Variants in C8B observed in about 807,000 individuals in gnomAD.
C8B encodes complement component C8 beta chain.
C8B carries 67 observed loss-of-function variants against 64.6 expected under a neutral mutation model. That is an observed-to-expected ratio of 1.04 (90% CI 0.85 to 1.27). The LOEUF is 1.27. Among genes scored for constraint, C8B ranks in the 50% most tolerant of loss-of-function variants. C8B has a pLI of 0.00. For synonymous variants in C8B, 284 were observed against 257.7 expected (o/e 1.10, Z -0.98); for missense variants, 790 against 725.2 (o/e 1.09, Z -1.03).
At chr1:56,943,848 C>A (rs201169095) in intron 7 of C8B, 24 bp from the exon 8 acceptor site, 222 of 1,613,268 alleles carry the variant, frequency 1.4e-4, no homozygotes, top group Middle Eastern at 1.2e-3. Context: ...GGAAAAAGGT[C>A]CATGACGTAA....
chr1:56,957,111 A>G (rs765027143), intron 2 of C8B, among the ~76,000 whole-genome samples: 1 of 151,930 alleles, frequency 6.6e-6, no homozygotes, highest in Non-Finnish European at 1.5e-5. Context: ...TGTTTGCTGG[A>G]TGGTTTCTTC....
intron 5 of C8B, among the ~76,000 whole-genome samples, chr1:56,951,612 A>G (rs1253472488): frequency 6.6e-6 from 1 of 152,184 alleles, no homozygotes; most frequent in African/African-American, 2.4e-5. Flanking sequence ...TTTTCTGTGG[A>G]CTCACCATTA....
At chr1:56,965,150 T>G (rs1645234637) in intron 1 of C8B, among the ~76,000 whole-genome samples, 1 of 152,104 alleles carries the variant, frequency 6.6e-6, no homozygotes, top group African/African-American at 2.4e-5. Flanking sequence ...ACAGGAGTGT[T>G]TACATGGAGG....
intron 5 of C8B, among the ~76,000 whole-genome samples, chr1:56,951,727 C>T (rs1645023334): frequency 6.6e-6 from 1 of 152,166 alleles, no homozygotes; most frequent in Admixed American, 6.5e-5. Flanking sequence ...AACAGAGGCT[C>T]ATAGCCTTTG....
In C8B at chr1:56,954,692, G is replaced by A. The variant is rs1645076149; in HGVS notation, c.527C>T (p.Ala176Val). The stretch of plus-strand genomic sequence containing the variant: ...CAGAAAAATGGTCACTTACCCACTG[G>A]CCAGACTGCCAATTCCCCAGTATTG... Reference protein sequence around the residue: ...MDQYWGIGSLASGINLFTNSF... With the variant: ...MDQYWGIGSLVSGINLFTNSF... Residue 176 changes from alanine to valine, a missense_variant, in exon 4 of 12, where the codon GCC becomes GTC. Transcript: ENST00000371237. 1.9e-6 allele frequency: 3 copies of A among 1,614,082 alleles called. No homozygotes were observed. Among genetic ancestry groups the A allele is most frequent in the Non-Finnish European group, 1.7e-6 (2 of 1,180,000 alleles).
chr1:56,954,746 A>C lies in C8B; in HGVS notation c.473T>G (p.Ile158Ser), dbSNP rs1383748199. ...CATTTCATGCTGACATTTTTTATAA[A>C]TCCTTCTACAGTTTGCTTCATCTGA... ...DQSDEANCRRIYKKCQHEMDQ... is the reference protein window; with the variant it reads ...DQSDEANCRRSYKKCQHEMDQ... Residue 158 changes from isoleucine to serine, a missense_variant, in exon 4 of 12, where the codon ATT becomes AGT. By Grantham distance (142) the Ile-to-Ser change is moderately radical. Transcript: ENST00000371237. The C allele has an allele frequency of 6.2e-7, 1 of 1,614,012 alleles. No homozygotes were observed. Among genetic ancestry groups the C allele is most frequent in the African/African-American group, 1.3e-5 (1 of 74,916 alleles).
intron 5 of C8B, among the ~76,000 whole-genome samples, chr1:56,950,404 T>A (rs1371757230): frequency 6.6e-6 from 1 of 152,132 alleles, no homozygotes; most frequent in Non-Finnish European, 1.5e-5. Flanking sequence ...GGCAGGAAAG[T>A]GCCTTAGAGA....
At position 56,940,985 on chromosome 1, in the gene C8B, T is replaced by A. The variant is rs772033070; in HGVS notation, c.1262A>T (p.Glu421Val). 6.2e-7 allele frequency: 1 copy of A among 1,614,018 alleles called. No homozygotes were observed. The highest frequency in any genetic ancestry group is 2.2e-5 in the East Asian group (1 of 44,874). The change falls in exon 9 of 12, where the codon GAG (glutamate) becomes GTG (valine). Residue 421 changes from glutamate (E) to valine (V), a missense_variant. Transcript: ENST00000371237. ...KDRNKRDTMV[E>V]DLVVLVRGGA... ...TCCTCGTACCAGGACCACCAAGTCC[T>A]CCACCATGGTGTCCCTCTTGTTTCT...
At chr1:56,965,802 C>T in intron 1 of C8B, 55 bp downstream of exon 1, 1 of 1,591,346 alleles carries the variant, frequency 6.3e-7, no homozygotes, top group Non-Finnish European at 8.6e-7. Flanking sequence ...CATCATGTGG[C>T]TGCACCTTCC....
In C8B at chr1:56,931,750, CTCT is replaced by C. The variant is rs755713352; in HGVS notation, c.1621+57_1621+59del. 4.2e-6 allele frequency: 5 copies of C among 1,177,844 alleles called. No homozygotes were observed. In the Admixed American group the frequency reaches 5.2e-5, roughly 12 times the overall value. 73.0% of individuals were successfully genotyped at this position (1,177,844 alleles called of 1,614,324 possible). On this transcript the variant is annotated intron_variant, in intron 11 of 11. Coordinates refer to ENST00000371237, the MANE Select transcript of C8B (RefSeq NM_000066.4). ...CCCCACACTCCACACCAGCTCCTTG[CTCT>C]TCTTCTGGTGAATTATTCTCTGGAC...
intron 4 of C8B, among the ~76,000 whole-genome samples, chr1:56,953,201 C>T (rs781189223): frequency 4.6e-5 from 7 of 152,178 alleles, no homozygotes; most frequent in Non-Finnish European, 1.0e-4. Flanking sequence ...CCATCTCTAA[C>T]TACTGAAATT....
chr1:56,954,097 TGAG>T (rs1257759404), intron 4 of C8B, among the ~76,000 whole-genome samples: 1 of 152,120 alleles, frequency 6.6e-6, no homozygotes, highest in Non-Finnish European at 1.5e-5. Flanking sequence ...ACCTGCAGGC[TGAG>T]AAGATGCAAA....
chr1:56,936,112 A>G (rs575627886), intron 9 of C8B, among the ~76,000 whole-genome samples: 59 of 152,224 alleles, frequency 3.9e-4, no homozygotes, highest in Non-Finnish European at 7.9e-4. Flanking sequence ...AAACTAAGAC[A>G]TGCCTTTACA....
chr1:56,955,493 C>T (rs620092), intron 3 of C8B, among the ~76,000 whole-genome samples: 81,858 of 152,030 alleles, frequency 0.54, 22,300 homozygotes, highest in South Asian at 0.67. Context: ...ATTAGTATAT[C>T]GTTGGGAGAT....
chr1:56,943,571 G>A, intron 8 of C8B, 125 bp downstream of exon 8: 1 of 1,095,542 alleles, frequency 9.1e-7, no homozygotes, highest in Non-Finnish European at 1.4e-6. Flanking sequence ...AAAAACAGAA[G>A]GACATAGTTG....
At chr1:56,950,693 C>T (rs1645008095) in intron 5 of C8B, among the ~76,000 whole-genome samples, 3 of 152,188 alleles carry the variant, frequency 2.0e-5, no homozygotes. Context: ...AGTCGGATGA[C>T]TTTGGACAAT....
intron 7 of C8B, among the ~76,000 whole-genome samples, chr1:56,944,165 A>T (rs1339089708): frequency 6.6e-6 from 1 of 152,200 alleles, no homozygotes; most frequent in Non-Finnish European, 1.5e-5. Flanking sequence ...GACTGTTACA[A>T]TCTGCCTGCC....
Position 56,946,133 on chromosome 1 carries a change from C to T in C8B, c.865-72G>A, listed in dbSNP as rs1218360677. Reference sequence around the variant, plus strand: ...ATCTGGAACGAGAAGATGAACTTTACAAATACCATCCGATGTTCTTGGCCT... The same window carrying T: ...ATCTGGAACGAGAAGATGAACTTTATAAATACCATCCGATGTTCTTGGCCT... On this transcript the variant is annotated intron_variant, in intron 6 of 11. Transcript: ENST00000371237. 6.4e-6 allele frequency: 10 copies of T among 1,564,524 alleles called. No homozygotes were observed. In the South Asian group the frequency reaches 7.8e-5, roughly 12 times the overall value.
Position 56,956,789 on chromosome 1 carries a change from C to G in C8B, c.371G>C (p.Gly124Ala), listed in dbSNP as rs888935609. 17 of 1,613,956 alleles carry G rather than the reference C, an allele frequency of 1.1e-5. No individual in the cohort carries two copies. The Admixed American group carries it at 2.5e-4, about 24-fold the overall frequency. The change falls in exon 3 of 12, where the codon GGC becomes GCC. Residue 124 changes from glycine (G) to alanine (A), a missense_variant. Gly to Ala is a moderately conservative substitution (Grantham distance 60). Transcript: ENST00000371237. ...TATACCTGTCTGTGCACACACAAAG[C>G]CTTCACATCGCACTTGACTTCCGCA... Reference protein sequence around the residue: ...RPCGSQVRCEGFVCAQTGRCV... With the variant: ...RPCGSQVRCEAFVCAQTGRCV...
Sources: gnomAD v4.1 joint callset for allele counts (sites outside exome capture counted in the v4.1 genomes callset) on GRCh38, gnomAD v4.1.1 for gene constraint, MANE v1.5 for transcripts, NCBI Gene and HGNC (gene_info 2026-07-23, HGNC 2026-07-21) for gene names.